The following FOXP1 variants were observed in gnomAD, a reference collection of about 807,000 sequenced individuals.
The protein encoded by FOXP1 is forkhead box protein P1.
In FOXP1, 15 loss-of-function variants were observed where a neutral mutation model predicts 98.2. That is an observed-to-expected ratio of 0.15 (90% CI 0.10 to 0.24). The LOEUF is 0.24. Ranked by LOEUF, FOXP1 falls within the 10% of genes least tolerant of loss-of-function variation. The probability of loss-of-function intolerance (pLI) is 1.00; values close to 1 mark genes in which losing one functional copy is unlikely to be tolerated. For synonymous variants in FOXP1, 371 were observed against 314.5 expected (o/e 1.18, Z -1.90); for missense variants, 633 against 848.5 (o/e 0.75, Z 3.15).
At chr3:71,519,333 T>TA (rs2042809877) in intron 2 of FOXP1, among the ~76,000 whole-genome samples, 1 of 152,176 alleles carries the variant, frequency 6.6e-6, no homozygotes, top group Non-Finnish European at 1.5e-5. Flanking sequence ...CCATGAAAGG[T>TA]AAAACTGCGG....
intron 7 of FOXP1, among the ~76,000 whole-genome samples, chr3:71,066,825 C>G (rs1380500260): frequency 6.6e-6 from 1 of 152,224 alleles, no homozygotes. Flanking sequence ...GGTGGACTAA[C>G]TCCTTAGCAG....
intron 5 of FOXP1, among the ~76,000 whole-genome samples, chr3:71,280,854 G>T (rs1170583615): frequency 6.6e-6 from 1 of 151,778 alleles, no homozygotes; most frequent in African/African-American, 2.4e-5. Context: ...CTTACTGTTT[G>T]TTTGTTATGA....
chr3:71,153,936 G>A (rs964873080), intron 6 of FOXP1, among the ~76,000 whole-genome samples: 7 of 152,008 alleles, frequency 4.6e-5, no homozygotes, highest in Non-Finnish European at 8.8e-5. Context: ...CATATGACAC[G>A]TAGCATACTA....
chr3:71,572,982 C>G (rs892989082), intron 2 of FOXP1, among the ~76,000 whole-genome samples: 2 of 152,198 alleles, frequency 1.3e-5, no homozygotes, highest in Non-Finnish European at 2.9e-5. Context: ...AGGCATCACA[C>G]TCTATTCAGT....
intron 2 of FOXP1, chr3:71,542,024 A>C (rs1289075937): frequency 9.4e-6 from 5 of 534,206 alleles, no homozygotes; most frequent in South Asian, 7.0e-5. Context: ...GGGCTTTCCA[A>C]TATATAAAAT....
chr3:70,958,613 A>C lies in FOXP1; in HGVS notation c.*634T>G, dbSNP rs2032424302. ...AAATGGAGGCCTGAGGTCAGAACTT[A>C]AAATGGTATAGTAGAAGGAAAAAAA... On this transcript the variant is annotated 3_prime_UTR_variant, in exon 21 of 21. Coordinates refer to ENST00000649528, the MANE Select transcript of FOXP1 (RefSeq NM_001349338.3). 1 of 229,994 alleles carries C rather than the reference A, an allele frequency of 4.3e-6. No individual in the cohort carries two copies. The highest frequency in any genetic ancestry group is 8.5e-6 in the Non-Finnish European group (1 of 118,016). 14.2% of individuals were successfully genotyped at this position (229,994 alleles called of 1,614,324 possible).
intron 2 of FOXP1, among the ~76,000 whole-genome samples, chr3:71,554,631 C>CCA (rs1418886270): frequency 3.9e-5 from 6 of 152,084 alleles, no homozygotes; most frequent in Non-Finnish European, 8.8e-5. Flanking sequence ...CATTTATTGT[C>CCA]TATAAAGAAG....
At chr3:71,425,121 T>C (rs1005723985) in intron 3 of FOXP1, among the ~76,000 whole-genome samples, 2 of 151,988 alleles carry the variant, frequency 1.3e-5, no homozygotes, top group South Asian at 4.1e-4. Context: ...TTTTGTTTTG[T>C]TTTGTTTTGT....
At chr3:71,246,141 G>A (rs563697509) in intron 5 of FOXP1, among the ~76,000 whole-genome samples, 2 of 152,038 alleles carry the variant, frequency 1.3e-5, no homozygotes, top group African/African-American at 2.4e-5. Flanking sequence ...CTCTGGCCCC[G>A]ACGCTGAGAA....
chr3:71,342,427 T>A (rs2077061328), intron 4 of FOXP1, among the ~76,000 whole-genome samples: 1 of 152,138 alleles, frequency 6.6e-6, no homozygotes, highest in Non-Finnish European at 1.5e-5. Flanking sequence ...CCCAGCACTT[T>A]GAGAGATCGA....
At chr3:71,451,303 G>A (rs185376350) in intron 3 of FOXP1, among the ~76,000 whole-genome samples, 1 of 152,242 alleles carries the variant, frequency 6.6e-6, no homozygotes, top group African/African-American at 2.4e-5. Context: ...TCTAAAGAGG[G>A]TGATGTTAAC....
intron 7 of FOXP1, among the ~76,000 whole-genome samples, chr3:71,064,085 A>G (rs2051977242): frequency 6.6e-6 from 1 of 152,142 alleles, no homozygotes. Flanking sequence ...AACCCCGCTC[A>G]CTACTTAATT....
intron 5 of FOXP1, among the ~76,000 whole-genome samples, chr3:71,226,680 C>G (rs1043795184): frequency 5.9e-5 from 9 of 151,912 alleles, no homozygotes; most frequent in African/African-American, 2.2e-4. Flanking sequence ...TTTCAGTTTG[C>G]CATCTTCCTC....
intron 4 of FOXP1, among the ~76,000 whole-genome samples, chr3:71,319,011 C>G (rs910867025): frequency 6.6e-6 from 1 of 152,136 alleles, no homozygotes; most frequent in African/African-American, 2.4e-5. Flanking sequence ...CAGGGTACCC[C>G]AAAGAGGGCA....
chr3:71,453,800 C>G (rs2087178291), intron 3 of FOXP1, among the ~76,000 whole-genome samples: 1 of 152,186 alleles, frequency 6.6e-6, no homozygotes, highest in Non-Finnish European at 1.5e-5. Flanking sequence ...GTACTAAAGT[C>G]AGACACCAAC....
chr3:71,569,088 A>T (rs1458475110), intron 2 of FOXP1, among the ~76,000 whole-genome samples: 2 of 152,216 alleles, frequency 1.3e-5, no homozygotes, highest in African/African-American at 4.8e-5. Context: ...TGCAGAGAAC[A>T]GCATTTTTTT....
At chr3:71,465,533 T>C (rs1228615972) in intron 3 of FOXP1, among the ~76,000 whole-genome samples, 2 of 152,118 alleles carry the variant, frequency 1.3e-5, no homozygotes, top group Non-Finnish European at 2.9e-5. Context: ...AAATCTAACC[T>C]TGTGCACGTC....
intron 6 of FOXP1, among the ~76,000 whole-genome samples, chr3:71,126,055 A>G (rs189228945): frequency 1.3e-5 from 2 of 152,370 alleles, no homozygotes; most frequent in Admixed American, 6.5e-5. Flanking sequence ...AAAGTGCTGT[A>G]TAACTATAGA....
intron 6 of FOXP1, among the ~76,000 whole-genome samples, chr3:71,173,402 C>A (rs2061751348): frequency 6.6e-6 from 1 of 151,846 alleles, no homozygotes; most frequent in Admixed American, 6.6e-5. Flanking sequence ...CACACACACA[C>A]ACACACACAC....
Sources: gnomAD v4.1 joint callset for allele counts (sites outside exome capture counted in the v4.1 genomes callset) on GRCh38, gnomAD v4.1.1 for gene constraint, MANE v1.5 for transcripts, NCBI Gene and HGNC (gene_info 2026-07-23, HGNC 2026-07-21) for gene names.